NR1D2: variants seen among roughly 807,000 people sequenced by gnomAD.
The protein encoded by NR1D2 is nuclear receptor subfamily 1 group D member 2.
NR1D2 carries 25 observed loss-of-function variants against 52.2 expected under a neutral mutation model. The ratio of observed to expected loss-of-function variants is 0.48; its 90% CI spans 0.35 to 0.67. NR1D2 has a LOEUF of 0.67. Ranked by LOEUF, NR1D2 falls within the 30% of genes least tolerant of loss-of-function variation. NR1D2 has a pLI of 0.01. For synonymous variants in NR1D2, 259 were observed against 230.1 expected, an observed-to-expected ratio of 1.13 and a Z score of -1.14; for missense variants, 681 against 707.2, an observed-to-expected ratio of 0.96 and a Z score of 0.42.
At chr3:23,971,587 G>A (rs925870184) in intron 7 of NR1D2, among the ~76,000 whole-genome samples, 1 of 151,946 alleles carries the variant, frequency 6.6e-6, no homozygotes, top group Non-Finnish European at 1.5e-5. Context: ...TTTTTATTTA[G>A]TGAGTATAAC....
At chr3:23,947,627 C>T (rs1453283622) in intron 1 of NR1D2, among the ~76,000 whole-genome samples, 1 of 152,194 alleles carries the variant, frequency 6.6e-6, no homozygotes, top group Non-Finnish European at 1.5e-5. Flanking sequence ...CAACTAGGAC[C>T]TTTCACGTGA....
intron 5 of NR1D2, among the ~76,000 whole-genome samples, chr3:23,964,299 G>A (rs1420105664): frequency 2.0e-5 from 3 of 151,972 alleles, no homozygotes; most frequent in Non-Finnish European, 2.9e-5. Flanking sequence ...GGCTAGTCTC[G>A]AACTCCTGAC....
chr3:23,975,579 G>T (rs562429950), intron 7 of NR1D2, among the ~76,000 whole-genome samples: 1 of 152,218 alleles, frequency 6.6e-6, no homozygotes, highest in Admixed American at 6.5e-5. Flanking sequence ...AGGCCAGCCT[G>T]GCCAAGATGG....
At position 23,948,670 on chromosome 3, in the gene NR1D2, C is replaced by A. The variant is rs529993506; in HGVS notation, c.16+3076C>A. On this transcript the variant is annotated intron_variant, in intron 1 of 7. Coordinates refer to ENST00000312521, the MANE Select transcript of NR1D2 (RefSeq NM_005126.5). ...CCATGAAGGAAGGTGCCGTTGCCAC[C>A]ATCTTAATGATGCGGGGCTAAGTAA... is the stretch of plus-strand genomic sequence containing the variant. Among the ~76,000 whole-genome samples the A allele has an allele frequency of 4.6e-5, 7 of 152,290 alleles. No individual in the cohort carries two copies. The South Asian group carries it at 1.2e-3, about 27-fold the overall frequency.
chr3:23,946,323 C>T (rs1156848397), intron 1 of NR1D2: 11 of 981,628 alleles, frequency 1.1e-5, no homozygotes, highest in Non-Finnish European at 1.2e-5. Flanking sequence ...AGCTGCATAC[C>T]TTGCAGATTC....
At position 23,945,534 on chromosome 3, in the gene NR1D2, C is replaced by A. The variant is rs558029591; in HGVS notation, c.-45C>A. The A allele has an allele frequency of 8.0e-6, 9 of 1,127,900 alleles. No homozygotes were observed. In the East Asian group the frequency reaches 2.2e-4, roughly 28 times the overall value. The allele number at this position is 1,127,900 out of a possible 1,614,324, so 69.9% of individuals were successfully genotyped here. Reference sequence around the variant, plus strand: ...TGAGGCGGCGGCGGCGGCGCTGCCCCCTCTGCGGGAAGCGGGCGGCCCCGG... The same window carrying A: ...TGAGGCGGCGGCGGCGGCGCTGCCCACTCTGCGGGAAGCGGGCGGCCCCGG... On this transcript the variant is annotated 5_prime_UTR_variant, in exon 1 of 8. Coordinates refer to ENST00000312521, the MANE Select transcript of NR1D2 (RefSeq NM_005126.5).
In NR1D2 at chr3:23,945,514, C is replaced by G; in HGVS notation, c.-65C>G. 9.8e-7 allele frequency: 1 copy of G among 1,019,296 alleles called. No homozygotes were observed. The highest frequency in any genetic ancestry group is 1.2e-6 in the Non-Finnish European group (1 of 825,684). The allele number at this position is 1,019,296 out of a possible 1,614,324, so 63.1% of individuals were successfully genotyped here. On this transcript the variant is annotated 5_prime_UTR_variant, in exon 1 of 8. Transcript: ENST00000312521. ...AGCCCGGGGCGGCGCGGCGCTGAGG[C>G]GGCGGCGGCGGCGCTGCCCCCTCTG...
intron 6 of NR1D2, among the ~76,000 whole-genome samples, chr3:23,965,813 G>A (rs1485718941): frequency 6.6e-6 from 1 of 152,194 alleles, no homozygotes; most frequent in Non-Finnish European, 1.5e-5. Context: ...CCTCCTGAAA[G>A]CCTAGCCTAG....
chr3:23,977,442 A>G lies in NR1D2; in HGVS notation c.*23A>G, dbSNP rs1706761915. ...TAAGGCCTTTGTTTATTTAAACATG[A>G]ACTGATGGTAACTGTACATTTTGTG... On this transcript the variant is annotated 3_prime_UTR_variant, in exon 8 of 8. Transcript: ENST00000312521. The G allele has an allele frequency of 6.9e-7, 1 of 1,449,938 alleles. No individual in the cohort carries two copies. The highest frequency in any genetic ancestry group is 2.1e-5 in the Admixed American group (1 of 46,952). The allele number at this position is 1,449,938 out of a possible 1,614,324, so 89.8% of individuals were successfully genotyped here.
chr3:23,962,283 C>T lies in NR1D2; in HGVS notation c.824C>T (p.Ser275Leu). The T allele has an allele frequency of 6.2e-7, 1 of 1,614,202 alleles. No homozygotes were observed. Among genetic ancestry groups the T allele is most frequent in the Non-Finnish European group, 8.5e-7 (1 of 1,180,024 alleles). ...TATAATCAAGAGCAGCAAGAAAACT[C>T]AGCTGAGAGCATGCAGCCCCAGAGA... ...FMYNQEQQEN[S>L]AESMQPQRGE... The change falls in exon 5 of 8, where the codon TCA becomes TTA. Residue 275 changes from serine to leucine, a missense_variant. Ser to Leu is a moderately radical substitution (Grantham distance 145). This residue lies in a region of NR1D2 where 475 missense variants were observed against 454.5 expected (regional missense o/e 1.05). Coordinates refer to ENST00000312521, the MANE Select transcript of NR1D2 (RefSeq NM_005126.5).
intron 7 of NR1D2, among the ~76,000 whole-genome samples, chr3:23,970,892 C>T (rs1706571238): frequency 6.6e-6 from 1 of 152,128 alleles, no homozygotes; most frequent in Admixed American, 6.5e-5. Context: ...AGCAATTCTC[C>T]TGCCTCAGCC....
intron 4 of NR1D2, 66 bp from the exon 5 acceptor site, chr3:23,961,911 G>A: frequency 7.0e-7 from 1 of 1,433,688 alleles, no homozygotes; most frequent in Non-Finnish European, 9.4e-7. Context: ...ATAATTTTGT[G>A]TTATTCTTTT....
At chr3:23,960,920 T>C (rs1370934592) in intron 4 of NR1D2, among the ~76,000 whole-genome samples, 1 of 152,242 alleles carries the variant, frequency 6.6e-6, no homozygotes, top group Non-Finnish European at 1.5e-5. Context: ...GTGTAAATAC[T>C]AGACTGTGAA....
intron 1 of NR1D2, among the ~76,000 whole-genome samples, chr3:23,948,093 G>A (rs1705812364): frequency 6.6e-6 from 1 of 151,534 alleles, no homozygotes; most frequent in Non-Finnish European, 1.5e-5. Flanking sequence ...CTCCAGCCTG[G>A]GCGACAAGAG....
chr3:23,955,154 C>T (rs972269843), intron 2 of NR1D2, among the ~76,000 whole-genome samples: 1 of 152,120 alleles, frequency 6.6e-6, no homozygotes, highest in Admixed American at 6.5e-5. Flanking sequence ...GAAGGGGTTA[C>T]GTTAGTGAAA....
At chr3:23,964,684 AC>A (rs1387679718) in intron 5 of NR1D2, 1 of 228,456 alleles carries the variant, frequency 4.4e-6, no homozygotes, top group East Asian at 9.3e-5. Flanking sequence ...CAGCAGTGTT[AC>A]AAAATAAACT....
At chr3:23,949,775 C>T (rs1269924958) in intron 1 of NR1D2, among the ~76,000 whole-genome samples, 1 of 152,150 alleles carries the variant, frequency 6.6e-6, no homozygotes, top group Non-Finnish European at 1.5e-5. Context: ...AGTCACAAGG[C>T]AGAAAAGTAC....
Position 23,959,755 on chromosome 3 carries a change from A to T in NR1D2, c.457A>T (p.Arg153Trp). ...NENCSIMRMN[R>W]NRCQQCRFKK... ...AAACTGTTCTATAATGAGAATGAAT[A>T]GGAACAGATGTCAGCAATGTCGCTT... is the stretch of plus-strand genomic sequence containing the variant. The change falls in exon 4 of 8, where the codon AGG becomes TGG. Residue 153 changes from arginine (R) to tryptophan (W), a missense_variant. By Grantham distance (101) the Arg-to-Trp change is moderately radical. Coordinates refer to ENST00000312521, the MANE Select transcript of NR1D2 (RefSeq NM_005126.5). 6.2e-7 allele frequency: 1 copy of T among 1,613,954 alleles called. No individual in the cohort carries two copies. Among genetic ancestry groups the T allele is most frequent in the Non-Finnish European group, 8.5e-7 (1 of 1,179,878 alleles).
At position 23,959,835 on chromosome 3, in the gene NR1D2, A is replaced by T; in HGVS notation, c.517+20A>T. 6.2e-7 allele frequency: 1 copy of T among 1,605,806 alleles called. No individual in the cohort carries two copies. The highest frequency in any genetic ancestry group is 1.3e-5 in the African/African-American group (1 of 74,816). On this transcript the variant is annotated intron_variant, in intron 4 of 7. Coordinates refer to ENST00000312521, the MANE Select transcript of NR1D2 (RefSeq NM_005126.5). ...GAGATGGTATGTTCCCAGTTTAAAG[A>T]GTGTTCCTAAAGTGTATGGAGCTTG...
Sources: gnomAD v4.1 joint callset for allele counts (sites outside exome capture counted in the v4.1 genomes callset) on GRCh38, gnomAD v4.1.1 for gene constraint, gnomAD v4.1.1 regional missense constraint, MANE v1.5 for transcripts, NCBI Gene and HGNC (gene_info 2026-07-23, HGNC 2026-07-21) for gene names.